IL36RN: variants seen among roughly 807,000 people sequenced by gnomAD.
IL36RN encodes interleukin-36 receptor antagonist protein.
In IL36RN, 11 loss-of-function variants were observed where a neutral mutation model predicts 13.0. The observed-to-expected ratio is 0.85, with a 90% CI of 0.53 to 1.40. The LOEUF (loss-of-function observed/expected upper bound fraction) is 1.40, where lower values mean the gene tolerates loss of function less well. Among genes scored for constraint, IL36RN ranks in the 40% most tolerant of loss-of-function variants. IL36RN has a pLI of 0.00. For missense variants in IL36RN, 195 were observed against 195.3 expected (o/e 1.00, Z 0.01); for synonymous variants, 94 against 84.1 (o/e 1.12, Z -0.64).
At chr2:113,062,414 G>C (rs771319833) in intron 4 of IL36RN, 39 bp from the exon 5 acceptor site, 7 of 1,611,128 alleles carry the variant, frequency 4.3e-6, no homozygotes, top group Non-Finnish European at 5.9e-6. Flanking sequence ...CTCTGCCCCT[G>C]CTTCTGCCCT....
At position 113,059,291 on chromosome 2, in the gene IL36RN, C is replaced by A; in HGVS notation, c.-28+50C>A. On this transcript the variant is annotated intron_variant, in intron 1 of 4. Coordinates refer to ENST00000393200, the MANE Select transcript of IL36RN (RefSeq NM_012275.3). ...CCGGAGCTCTCTCCTGACCCCAGAC[C>A]CAGAATCTGCTCCGTGGAGGCTGTT... 7 of 822,992 alleles carry A rather than the reference C, an allele frequency of 8.5e-6. No individual in the cohort carries two copies. The South Asian group carries it at 1.0e-4, about 12-fold the overall frequency. The allele number at this position is 822,992 out of a possible 1,614,324, so 51.0% of individuals were successfully genotyped here.
upstream of IL36RN, chr2:113,058,963 C>G (rs1295592048): frequency 2.7e-5 from 5 of 186,730 alleles, no homozygotes; most frequent in Non-Finnish European, 3.4e-5. Context: ...CCCTGAGATG[C>G]AAAAGCCTAG....
At position 113,062,131 on chromosome 2, in the gene IL36RN, G is replaced by A; in HGVS notation, c.123G>A (p.Glu41=). 6.2e-7 allele frequency: 1 copy of A among 1,614,016 alleles called. No homozygotes were observed. Among genetic ancestry groups the A allele is most frequent in the Non-Finnish European group, 8.5e-7 (1 of 1,179,950 alleles). ...LHAGKVIKGE[E]ISVVPNRWLD... is the part of the protein sequence containing the mutation. ...CTGGCCTCTTTCCCACAGGTGAAGA[G>A]ATCAGCGTGGTCCCCAATCGGTGGC... The change falls in exon 4 of 5, where the codon GAG becomes GAA. Residue 41 remains glutamate, a synonymous_variant. Coordinates refer to ENST00000393200, the MANE Select transcript of IL36RN (RefSeq NM_012275.3).
Position 113,062,249 on chromosome 2 carries a change from G to A in IL36RN, c.241G>A (p.Glu81Lys). 1 of 1,614,086 alleles carries A rather than the reference G, an allele frequency of 6.2e-7. No individual in the cohort carries two copies. The highest frequency in any genetic ancestry group is 8.5e-7 in the Non-Finnish European group (1 of 1,179,974). ...GGGGCAGGAGCCGACTCTAACACTAGAGGTGAGACTTGGGGCATCCTCACT... is the reference window on the plus strand; with the variant it reads ...GGGGCAGGAGCCGACTCTAACACTAAAGGTGAGACTTGGGGCATCCTCACT... ...GVGQEPTLTL[E>K]PVNIMELYLG... Residue 81 changes from glutamate (E) to lysine (K), a missense_variant and splice_region_variant, in exon 4 of 5, where the codon GAG becomes AAG. By Grantham distance (56) the Glu-to-Lys change is moderately conservative. Coordinates refer to ENST00000393200, the MANE Select transcript of IL36RN (RefSeq NM_012275.3).
upstream of IL36RN, chr2:113,059,160 A>G: frequency 1.9e-6 from 1 of 528,846 alleles, no homozygotes; most frequent in Non-Finnish European, 3.4e-6. Context: ...GCCCCTCCCT[A>G]GGCCTTACTT....
At chr2:113,061,978 C>A in intron 3 of IL36RN, 146 bp from the exon 4 acceptor site, 1 of 1,037,172 alleles carries the variant, frequency 9.6e-7, no homozygotes, top group Non-Finnish European at 1.4e-6. Context: ...ACAGGAGAAG[C>A]CATGTCATGA....
chr2:113,060,833 C>T lies in IL36RN; in HGVS notation c.30-19C>T. The stretch of plus-strand genomic sequence containing the variant: ...CACCCTCCTCCTAATGTAGTCCTCA[C>T]CCCTTCCTGATGTTTCAGAATGAAG... On this transcript the variant is annotated intron_variant, in intron 2 of 4. Transcript: ENST00000393200. 1 of 1,592,354 alleles carries T rather than the reference C, an allele frequency of 6.3e-7. No individual in the cohort carries two copies. The highest frequency in any genetic ancestry group is 8.6e-7 in the Non-Finnish European group (1 of 1,160,498).
intron 4 of IL36RN, 79 bp from the exon 5 acceptor site, chr2:113,062,374 C>T (rs1470512347): frequency 1.2e-6 from 2 of 1,604,514 alleles, no homozygotes; most frequent in African/African-American, 1.3e-5. Context: ...GCAGCTTTGC[C>T]TCCTCCCTAA....
chr2:113,062,537 AG>A lies in IL36RN; in HGVS notation c.329del (p.Ser110ThrfsTer62), dbSNP rs2105069859. 1 of 1,614,040 alleles carries A rather than the reference AG, an allele frequency of 6.2e-7. No individual in the cohort carries two copies. Among genetic ancestry groups the A allele is most frequent in the Non-Finnish European group, 8.5e-7 (1 of 1,180,012 alleles). On this transcript the variant is annotated frameshift_variant, in exon 5 of 5. Coordinates refer to ENST00000393200, the MANE Select transcript of IL36RN (RefSeq NM_012275.3). LOFTEE classifies it low-confidence loss of function (END_TRUNC). ...FYRRDMGLTS[S>X]FESAAYPGWF... ...CCGGCGGGACATGGGGCTCACCTCC[AG>A]CTTCGAGTCGGCTGCCTACCCGGGC...
Position 113,059,445 on chromosome 2 carries a change from C to T in IL36RN, c.7C>T (p.Leu3=). 1 of 1,613,884 alleles carries T rather than the reference C, an allele frequency of 6.2e-7. No homozygotes were observed. Among genetic ancestry groups the T allele is most frequent in the Admixed American group, 1.7e-5 (1 of 60,010 alleles). The change falls in exon 2 of 5, where the codon CTG becomes TTG. Residue 3 remains leucine, a synonymous_variant. Coordinates refer to ENST00000393200, the MANE Select transcript of IL36RN (RefSeq NM_012275.3). ...ACACCCTGTGGAGCTCAAGATGGTC[C>T]TGAGTGGGGCGCTGTGCTTCCGGTG... MV[L]SGALCFRMKD...
At chr2:113,059,346 T>C in intron 1 of IL36RN, 66 bp from the exon 2 acceptor site, 1 of 1,412,788 alleles carries the variant, frequency 7.1e-7, no homozygotes, top group Non-Finnish European at 1.0e-6. Flanking sequence ...TGCAGCTGCT[T>C]GCTCCCCAGA....
intron 3 of IL36RN, among the ~76,000 whole-genome samples, chr2:113,061,413 C>A (rs955313784): frequency 2.6e-5 from 4 of 152,150 alleles, no homozygotes; most frequent in Non-Finnish European, 4.4e-5. Context: ...GCTCACTCTG[C>A]CCCATGCACT....
At chr2:113,062,422 C>T (rs774774549) in intron 4 of IL36RN, 31 bp from the exon 5 acceptor site, 38 of 1,612,434 alleles carry the variant, frequency 2.4e-5, no homozygotes, top group Middle Eastern at 3.3e-4. Flanking sequence ...CTGCTTCTGC[C>T]CTCACCTGAC....
At chr2:113,059,108 C>A, upstream of IL36RN, 1 of 410,246 alleles carries the variant, frequency 2.4e-6, no homozygotes. Flanking sequence ...TGTGAAATCA[C>A]GCTGGGAATC....
At position 113,062,026 on chromosome 2, in the gene IL36RN, G is replaced by A. The variant is rs1205901069; in HGVS notation, c.116-98G>A. 14 of 1,517,438 alleles carry A rather than the reference G, an allele frequency of 9.2e-6. No homozygotes were observed. The Admixed American group carries it at 1.2e-4, about 13-fold the overall frequency. 94.0% of individuals were successfully genotyped at this position (1,517,438 alleles called of 1,614,324 possible). On this transcript the variant is annotated intron_variant, in intron 3 of 4. Transcript: ENST00000393200. ...AGCCTCCCTTCTGCCCAGCCTGGGGGCAGGCCGTCTTACAGCAGTCCTGTG... is the reference window on the plus strand; with the variant it reads ...AGCCTCCCTTCTGCCCAGCCTGGGGACAGGCCGTCTTACAGCAGTCCTGTG...
intron 2 of IL36RN, among the ~76,000 whole-genome samples, chr2:113,060,424 C>G (rs1685618110): frequency 6.6e-6 from 1 of 152,154 alleles, no homozygotes; most frequent in African/African-American, 2.4e-5. Context: ...AAGAATCAGG[C>G]TTTAACGTGG....
chr2:113,062,067 CAG>C (rs1452033381), intron 3 of IL36RN, 55 bp from the exon 4 acceptor site: 20 of 1,596,676 alleles, frequency 1.3e-5, no homozygotes, highest in Non-Finnish European at 1.7e-5. Flanking sequence ...GAGCCCAGGA[CAG>C]GGGAAGAAGG....
intron 2 of IL36RN, among the ~76,000 whole-genome samples, chr2:113,060,235 T>C (rs1365596924): frequency 6.6e-6 from 1 of 152,146 alleles, no homozygotes; most frequent in Non-Finnish European, 1.5e-5. Context: ...CCCATATAAC[T>C]TTTGGAGAAA....
chr2:113,059,003 A>G, upstream of IL36RN: 1 of 237,582 alleles, frequency 4.2e-6, no homozygotes. Context: ...AGCCTCAAGG[A>G]AGTTCTTCAA....
Sources: allele counts gnomAD v4.1 joint callset (sites outside exome capture counted in the v4.1 genomes callset), GRCh38; gene constraint gnomAD v4.1.1; transcripts MANE v1.5; gene names NCBI Gene and HGNC (gene_info 2026-07-23, HGNC 2026-07-21).